The following SWAP70 variants were observed in gnomAD, a reference collection of about 807,000 sequenced individuals.
The protein encoded by SWAP70 is switch-associated protein 70.
SWAP70 carries 34 observed loss-of-function variants against 80.2 expected under a neutral mutation model. The ratio of observed to expected loss-of-function variants is 0.42; its 90% confidence interval spans 0.32 to 0.56. The LOEUF is 0.56. Among genes scored for constraint, SWAP70 ranks in the 20% least tolerant of loss-of-function variants. The pLI is 0.09. For synonymous variants in SWAP70, 239 were observed against 238.5 expected (o/e 1.00, Z -0.02); for missense variants, 578 against 690.7 (o/e 0.84, Z 1.83).
intron 8 of SWAP70, 61 bp downstream of exon 8, chr11:9,738,381 G>C: frequency 2.3e-6 from 3 of 1,289,392 alleles, no homozygotes; most frequent in Middle Eastern, 2.1e-4. Context: ...GGTGGGAACA[G>C]GGAAGGGCTG....
At chr11:9,715,241 A>G (rs989956327) in intron 3 of SWAP70, among the ~76,000 whole-genome samples, 1 of 152,062 alleles carries the variant, frequency 6.6e-6, no homozygotes, top group Admixed American at 6.6e-5. Context: ...AGCCTCCCAC[A>G]GTGCTGGGAT....
chr11:9,719,247 A>T (rs1851105260), intron 3 of SWAP70, among the ~76,000 whole-genome samples: 2 of 152,186 alleles, frequency 1.3e-5, no homozygotes, highest in Non-Finnish European at 2.9e-5. Context: ...TCTGCAAAAA[A>T]TATAAAAAAT....
intron 2 of SWAP70, 85 bp downstream of exon 2, chr11:9,694,371 A>C: frequency 1.4e-6 from 2 of 1,401,536 alleles, no homozygotes; most frequent in South Asian, 1.7e-5. Flanking sequence ...TGGTGAGTTC[A>C]CTAAGGAGTT....
chr11:9,676,468 T>C (rs1376594167), intron 1 of SWAP70, among the ~76,000 whole-genome samples: 1 of 151,824 alleles, frequency 6.6e-6, no homozygotes, highest in African/African-American at 2.4e-5. Flanking sequence ...TCAAGACTCT[T>C]ATATAAAATG....
chr11:9,698,674 G>T (rs1180648933), intron 2 of SWAP70, among the ~76,000 whole-genome samples: 1 of 152,076 alleles, frequency 6.6e-6, no homozygotes, highest in Non-Finnish European at 1.5e-5. Context: ...TAAAGTGTTG[G>T]GATTATAGGT....
At chr11:9,672,183 A>G (rs1390691356) in intron 1 of SWAP70, among the ~76,000 whole-genome samples, 22 of 95,694 alleles carry the variant, frequency 2.3e-4, no homozygotes, top group African/African-American at 8.2e-4. Flanking sequence ...ATATATACAT[A>G]TATGTGTGTG....
In SWAP70 at chr11:9,694,054, A is replaced by G. The variant is rs1439044369; in HGVS notation, c.100-92A>G. 6 of 1,419,728 alleles carry G rather than the reference A, an allele frequency of 4.2e-6. No homozygotes were observed. In the East Asian group the frequency reaches 7.6e-5, roughly 18 times the overall value. The allele number at this position is 1,419,728 out of a possible 1,614,324, so 87.9% of individuals were successfully genotyped here. A position where few individuals can be genotyped will look rare whatever the true frequency, so the allele number is the denominator to read the frequency against. ...GCTAGTTTATTTTCCATCTTTCTCT[A>G]CCCAGGAGAGGGAGCAGCATGTTGT... On this transcript the variant is annotated intron_variant, in intron 1 of 11. Coordinates refer to ENST00000318950, the MANE Select transcript of SWAP70 (RefSeq NM_015055.4).
chr11:9,720,084 T>G (rs1016746089), intron 3 of SWAP70: 29 of 985,454 alleles, frequency 2.9e-5, no homozygotes, highest in Non-Finnish European at 3.5e-5. Flanking sequence ...TGCAGGCCAC[T>G]AGAGACTAAA....
At chr11:9,722,265 A>C (rs1201024172) in intron 3 of SWAP70, among the ~76,000 whole-genome samples, 11 of 152,334 alleles carry the variant, frequency 7.2e-5, no homozygotes, top group African/African-American at 2.6e-4. Flanking sequence ...AGTTTAGCAA[A>C]CATTAGTTGA....
chr11:9,724,939 A>AG, intron 4 of SWAP70, 54 bp downstream of exon 4: 1 of 1,252,806 alleles, frequency 8.0e-7, no homozygotes, highest in Non-Finnish European at 1.1e-6. Flanking sequence ...GACATTTTAA[A>AG]ATTAATATTT....
At chr11:9,683,577 A>G (rs1487823983) in intron 1 of SWAP70, among the ~76,000 whole-genome samples, 2 of 152,182 alleles carry the variant, frequency 1.3e-5, no homozygotes, top group African/African-American at 4.8e-5. Context: ...CAGGAAGCCA[A>G]TGTTAAGACA....
At chr11:9,731,430 T>G (rs990718198) in intron 6 of SWAP70, among the ~76,000 whole-genome samples, 2 of 152,202 alleles carry the variant, frequency 1.3e-5, no homozygotes, top group Non-Finnish European at 2.9e-5. Flanking sequence ...TTCCCAGGGT[T>G]GTGGTGAGGA....
chr11:9,711,670 T>C (rs369545144), intron 2 of SWAP70, among the ~76,000 whole-genome samples: 1 of 152,186 alleles, frequency 6.6e-6, no homozygotes, highest in Non-Finnish European at 1.5e-5. Flanking sequence ...TCTCATGTTA[T>C]ACAGGCAGTG....
chr11:9,727,680 C>T (rs1329507385), intron 4 of SWAP70, among the ~76,000 whole-genome samples: 2 of 152,202 alleles, frequency 1.3e-5, no homozygotes, highest in African/African-American at 4.8e-5. Flanking sequence ...TTTACCTCTC[C>T]TGTATTATTT....
chr11:9,687,426 A>G (rs1332913817), intron 1 of SWAP70, among the ~76,000 whole-genome samples: 1 of 152,196 alleles, frequency 6.6e-6, no homozygotes, highest in East Asian at 1.9e-4. Context: ...TGAATTTTCT[A>G]TTCGTGTCCA....
At chr11:9,675,356 A>AGGGAGC (rs1850479516) in intron 1 of SWAP70, among the ~76,000 whole-genome samples, 1 of 9,676 alleles carries the variant, frequency 1.0e-4, no homozygotes, top group Non-Finnish European at 2.8e-4. Context: ...CGAGAGAGAG[A>AGGGAGC]GAGAGAGAGA....
At chr11:9,740,454 G>A in intron 9 of SWAP70, 107 bp downstream of exon 9, 1 of 1,169,602 alleles carries the variant, frequency 8.5e-7, no homozygotes, top group Non-Finnish European at 1.3e-6. Flanking sequence ...TCTCTGCTCT[G>A]GCTGTGACTG....
At chr11:9,718,573 T>C (rs973560107) in intron 3 of SWAP70, among the ~76,000 whole-genome samples, 16 of 152,236 alleles carry the variant, frequency 1.1e-4, no homozygotes, top group African/African-American at 3.6e-4. Flanking sequence ...ATTGTAGACT[T>C]ACAGATTTTA....
chr11:9,682,236 G>A (rs1015001734), intron 1 of SWAP70, among the ~76,000 whole-genome samples: 5 of 152,204 alleles, frequency 3.3e-5, no homozygotes, highest in Middle Eastern at 3.2e-3. Context: ...TAGCCTGAAG[G>A]TGACAGAGCG....
Sources: gnomAD v4.1 joint callset for allele counts (sites outside exome capture counted in the v4.1 genomes callset) on GRCh38, gnomAD v4.1.1 for gene constraint, MANE v1.5 for transcripts, NCBI Gene and HGNC (gene_info 2026-07-23, HGNC 2026-07-21) for gene names.